The following PDE10A variants were observed in gnomAD, a reference collection of about 807,000 sequenced individuals.
The protein encoded by PDE10A is phosphodiesterase 10A.
Under a neutral mutation model 97.7 loss-of-function variants are expected in PDE10A, and 39 were observed. The observed-to-expected ratio is 0.40, with a 90% CI of 0.31 to 0.52. PDE10A has a LOEUF of 0.52. PDE10A is among the 20% of genes least tolerant of loss of function. The pLI is 0.56. For synonymous variants in PDE10A, 371 were observed against 376.8 expected, an observed-to-expected ratio of 0.98 and a Z score of 0.18; for missense variants, 731 against 1,047.8, an observed-to-expected ratio of 0.70 and a Z score of 4.17.
intron 1 of PDE10A, among the ~76,000 whole-genome samples, chr6:165,726,619 G>C (rs7774758): frequency 0.15 from 22,763 of 152,102 alleles, 3,352 homozygotes; most frequent in African/African-American, 0.37. Flanking sequence ...GCCTTCCGAC[G>C]GGCCTGGGCC....
chr6:165,839,841 CTTA>C (rs1780176536), intron 1 of PDE10A, among the ~76,000 whole-genome samples: 1 of 78,328 alleles, frequency 1.3e-5, no homozygotes, highest in Non-Finnish European at 2.6e-5. Flanking sequence ...CGTCTCCATT[CTTA>C]TCATCTCCAT....
At position 165,671,503 on chromosome 6, in the gene PDE10A, A is replaced by G. The variant is rs1448413805; in HGVS notation, c.-614-127935T>C. ...GAGGAAGCCAGCTGCTCATGCTGCC[A>G]CCTTCCCGTTGGCTGCTGTGTATAT... On this transcript the variant is annotated intron_variant, in intron 1 of 19. Coordinates refer to the PDE10A transcript ENST00000366882. The surrounding 1 kb of genome is among the most constrained non-coding windows in gnomAD (Gnocchi z 4.6). Among the ~76,000 whole-genome samples, 2 of 152,084 alleles carry G rather than the reference A, an allele frequency of 1.3e-5. No individual in the cohort carries two copies. Among genetic ancestry groups the G allele is most frequent in the African/African-American group, 2.4e-5 (1 of 41,404 alleles).
intron 1 of PDE10A, among the ~76,000 whole-genome samples, chr6:165,550,427 A>G (rs1025420224): frequency 8.5e-5 from 13 of 152,220 alleles, no homozygotes; most frequent in Non-Finnish European, 1.9e-4. Context: ...CAACTGTAAG[A>G]TAAATTTGGG....
chr6:165,332,975 A>C lies in PDE10A; in HGVS notation c.*50T>G, dbSNP rs560051947. Reference sequence around the variant, plus strand: ...CAAAAAAAGGAAAAGAATGTCAAAGAAGCAAGATGAGGATCTGTAGGTGGG... The same window carrying C: ...CAAAAAAAGGAAAAGAATGTCAAAGCAGCAAGATGAGGATCTGTAGGTGGG... On this transcript the variant is annotated 3_prime_UTR_variant, in exon 22 of 22. Coordinates refer to ENST00000539869, the MANE Select transcript of PDE10A (RefSeq NM_001385079.1). 21 of 682,620 alleles carry C rather than the reference A, an allele frequency of 3.1e-5. No homozygotes were observed. Among genetic ancestry groups the C allele is most frequent in the Non-Finnish European group, 4.8e-5 (19 of 398,942 alleles). The allele number at this position is 682,620 out of a possible 1,614,324, so 42.3% of individuals were successfully genotyped here. A position where few individuals can be genotyped will look rare whatever the true frequency, so the allele number is the denominator to read the frequency against.
chr6:165,759,109 G>A (rs1403534211), intron 1 of PDE10A, among the ~76,000 whole-genome samples: 2 of 152,200 alleles, frequency 1.3e-5, no homozygotes, highest in South Asian at 2.1e-4. Flanking sequence ...GGTCCCAGGA[G>A]CTATGAGATC....
At chr6:165,663,714 C>A (rs1790413422), upstream of PDE10A, among the ~76,000 whole-genome samples, 1 of 152,218 alleles carries the variant, frequency 6.6e-6, no homozygotes, top group Non-Finnish European at 1.5e-5. Context: ...AAACGAACTT[C>A]GTGTGCACAA....
chr6:165,657,588 G>T (rs1365032829), intron 1 of PDE10A, among the ~76,000 whole-genome samples: 1 of 152,206 alleles, frequency 6.6e-6, no homozygotes, highest in African/African-American at 2.4e-5. Context: ...GTTGCACTGA[G>T]TTTTTTCCCT....
chr6:165,664,096 C>G (rs1433699967), upstream of PDE10A, among the ~76,000 whole-genome samples: 1 of 152,112 alleles, frequency 6.6e-6, no homozygotes, highest in Non-Finnish European at 1.5e-5. Flanking sequence ...ACTGCCTGGA[C>G]GAGGTCACCT....
At chr6:165,755,474 TCACTGAAACATA>T (rs1440703599) in intron 1 of PDE10A, among the ~76,000 whole-genome samples, 1 of 152,210 alleles carries the variant, frequency 6.6e-6, no homozygotes, top group South Asian at 2.1e-4. Context: ...CGTTCTGTCT[TCACTGAAACATA>T]TTACTATTAG....
intron 1 of PDE10A, among the ~76,000 whole-genome samples, chr6:165,968,021 G>A (rs1784561280): frequency 6.6e-6 from 1 of 152,206 alleles, no homozygotes; most frequent in Non-Finnish European, 1.5e-5. Context: ...ACAGAAAGAT[G>A]TCCAAGGTTA....
chr6:165,683,168 A>G (rs1252845755), intron 1 of PDE10A, among the ~76,000 whole-genome samples: 4 of 152,214 alleles, frequency 2.6e-5, no homozygotes, highest in Non-Finnish European at 2.9e-5. Flanking sequence ...TCAAAGGCTG[A>G]GTTCTCTGAA....
intron 1 of PDE10A, among the ~76,000 whole-genome samples, chr6:165,637,700 G>A (rs1788944156): frequency 1.3e-5 from 2 of 152,170 alleles, no homozygotes; most frequent in South Asian, 2.1e-4. Flanking sequence ...GAAAAAGAAA[G>A]GCAAGGACAG....
intron 1 of PDE10A, among the ~76,000 whole-genome samples, chr6:165,640,333 C>G (rs1285544772): frequency 6.6e-6 from 1 of 152,058 alleles, no homozygotes; most frequent in African/African-American, 2.4e-5. Context: ...TTTCAAATCA[C>G]CTATCACAAT....
intron 1 of PDE10A, among the ~76,000 whole-genome samples, chr6:165,938,304 C>T (rs540404173): frequency 4.6e-5 from 7 of 152,230 alleles, no homozygotes; most frequent in Non-Finnish European, 1.0e-4. Flanking sequence ...CCATTGACAA[C>T]TGTGAGCATC....
intron 2 of PDE10A, among the ~76,000 whole-genome samples, chr6:165,506,559 A>G (rs984225954): frequency 4.6e-5 from 7 of 152,182 alleles, no homozygotes; most frequent in Admixed American, 3.3e-4. Context: ...TCCAAGTAAC[A>G]GTGCCACGTC....
intron 1 of PDE10A, among the ~76,000 whole-genome samples, chr6:165,809,732 T>C (rs1206917556): frequency 6.6e-6 from 1 of 152,096 alleles, no homozygotes; most frequent in African/African-American, 2.4e-5. Flanking sequence ...GAAAAGAAAG[T>C]CACACTGCAT....
At chr6:165,334,424 C>T (rs3799145) in intron 21 of PDE10A, among the ~76,000 whole-genome samples, 26,313 of 143,258 alleles carry the variant, frequency 0.18, 2,805 homozygotes, top group Admixed American at 0.23. Context: ...GCCGGGCACG[C>T]GCCTCTATAG....
intron 1 of PDE10A, among the ~76,000 whole-genome samples, chr6:165,545,855 A>AGTTT (rs1783713575): frequency 6.6e-6 from 1 of 152,108 alleles, no homozygotes; most frequent in African/African-American, 2.4e-5. Context: ...ACTGTTTGGC[A>AGTTT]GTTTCTTACA....
At chr6:165,905,086 G>A (rs1231771770) in intron 1 of PDE10A, among the ~76,000 whole-genome samples, 1 of 152,106 alleles carries the variant, frequency 6.6e-6, no homozygotes. Flanking sequence ...CCACTCTCCA[G>A]TCTCCAAACT....
Sources: gnomAD v4.1 joint callset for allele counts (sites outside exome capture counted in the v4.1 genomes callset) on GRCh38, gnomAD v4.1.1 for gene constraint, Gnocchi (gnomAD v3.1) non-coding constraint, MANE v1.5 for transcripts, NCBI Gene and HGNC (gene_info 2026-07-23, HGNC 2026-07-21) for gene names.